The following NINJ2 variants were observed in gnomAD, a reference collection of about 807,000 sequenced individuals.
NINJ2 encodes the protein ninjurin 2, also known as ninjurin-2.
Under a neutral mutation model 11.7 loss-of-function variants are expected in NINJ2, and 12 were observed. The observed-to-expected ratio is 1.02, with a 90% CI of 0.66 to 1.66. The LOEUF (loss-of-function observed/expected upper bound fraction) is 1.66. Among genes scored for constraint, NINJ2 ranks in the 40% most tolerant of loss-of-function variants. The probability of loss-of-function intolerance (pLI) is 0.00; values close to 1 mark genes in which losing one functional copy is unlikely to be tolerated. For synonymous variants in NINJ2, 93 were observed against 76.8 expected, an observed-to-expected ratio of 1.21 and a Z score of -1.10; for missense variants, 187 against 181.8, an observed-to-expected ratio of 1.03 and a Z score of -0.16.
intron 1 of NINJ2, among the ~76,000 whole-genome samples, chr12:617,733 C>T (rs1483733040): frequency 6.6e-6 from 1 of 152,212 alleles, no homozygotes; most frequent in Admixed American, 6.5e-5. Context: ...CTGGTTTCCT[C>T]ATCTCAGCTC....
At chr12:650,294 A>G (rs1025847652) in intron 1 of NINJ2, among the ~76,000 whole-genome samples, 4 of 151,550 alleles carry the variant, frequency 2.6e-5, no homozygotes, top group African/African-American at 9.7e-5. Context: ...TATGTTTCCC[A>G]GGCTGGCCTC....
chr12:599,898 C>T lies in NINJ2; in HGVS notation c.34-33720G>A, dbSNP rs139218987. 4.5e-3 allele frequency among the ~76,000 whole-genome samples: 688 copies of T among 152,250 alleles called. 10 individuals carry two copies. Among genetic ancestry groups the T allele is most frequent in the African/African-American group, 0.015 (640 of 41,534 alleles). On this transcript the variant is annotated intron_variant, in intron 1 of 3. Coordinates refer to ENST00000305108, the MANE Select transcript of NINJ2 (RefSeq NM_016533.6). ...TGCCCGTCTCGGGCACAGGAGTAGC[C>T]GTGCACTCAGGATACCTCTGATGCC...
chr12:601,002 G>A (rs1947859362), intron 1 of NINJ2, among the ~76,000 whole-genome samples: 1 of 152,118 alleles, frequency 6.6e-6, no homozygotes, highest in Non-Finnish European at 1.5e-5. Context: ...AATTCCTTTG[G>A]TAGGGAGATC....
intron 1 of NINJ2, among the ~76,000 whole-genome samples, chr12:609,901 C>T (rs1223829420): frequency 1.3e-5 from 2 of 150,338 alleles, no homozygotes; most frequent in African/African-American, 4.9e-5. Flanking sequence ...ATGATGGCAC[C>T]ACTGCACTCC....
At position 571,232 on chromosome 12, in the gene NINJ2, G is replaced by T. The variant is rs373926023; in HGVS notation, c.34-5054C>A. Among the ~76,000 whole-genome samples the T allele has an allele frequency of 1.5e-3, 231 of 152,300 alleles. 4 individuals carry two copies. The highest frequency in any genetic ancestry group is 5.4e-3 in the African/African-American group (226 of 41,504). On this transcript the variant is annotated intron_variant, in intron 1 of 3. Coordinates refer to ENST00000305108, the MANE Select transcript of NINJ2 (RefSeq NM_016533.6). Reference sequence around the variant, plus strand: ...CTGGACAGACGGGGAGTTTGGGGCGGCATGAAGCTGGAGCGCGGCCAGTGC... The same window carrying T: ...CTGGACAGACGGGGAGTTTGGGGCGTCATGAAGCTGGAGCGCGGCCAGTGC...
intron 1 of NINJ2, among the ~76,000 whole-genome samples, chr12:649,505 CAG>C (rs551099083): frequency 1.4e-3 from 171 of 123,648 alleles, no homozygotes; most frequent in South Asian, 4.8e-3. Context: ...TAATCAGAAA[CAG>C]TGAATATGTG....
At chr12:607,276 C>G (rs1947952981) in intron 1 of NINJ2, among the ~76,000 whole-genome samples, 2 of 152,056 alleles carry the variant, frequency 1.3e-5, no homozygotes, top group Non-Finnish European at 2.9e-5. Context: ...GATATATCCA[C>G]CTTGCAAGGT....
chr12:646,876 A>G (rs1014104338), intron 1 of NINJ2, among the ~76,000 whole-genome samples: 1 of 152,198 alleles, frequency 6.6e-6, no homozygotes, highest in Admixed American at 6.5e-5. Flanking sequence ...GGTTGTGGAA[A>G]CAGGGAGTTC....
intron 1 of NINJ2, among the ~76,000 whole-genome samples, chr12:609,944 TAAA>T (rs60084425): frequency 0.21 from 26,969 of 126,544 alleles, 2,935 homozygotes; most frequent in East Asian, 0.32. Flanking sequence ...GACCCTGTCT[TAAA>T]AAAAAAAAAA....
At chr12:661,937 A>G (rs11064129) in intron 1 of NINJ2, among the ~76,000 whole-genome samples, 33,848 of 152,216 alleles carry the variant, frequency 0.22, 3,870 homozygotes, top group South Asian at 0.27. Flanking sequence ...ATAAAACAGG[A>G]GAGGCCCTGC....
intron 1 of NINJ2, among the ~76,000 whole-genome samples, chr12:593,043 A>C (rs1057387316): frequency 1.3e-5 from 2 of 152,152 alleles, no homozygotes; most frequent in Non-Finnish European, 2.9e-5. Flanking sequence ...AAAACAGGGA[A>C]AAAAAATGAA....
intron 1 of NINJ2, among the ~76,000 whole-genome samples, chr12:598,303 C>T (rs993516415): frequency 6.6e-6 from 1 of 152,218 alleles, no homozygotes; most frequent in Non-Finnish European, 1.5e-5. Flanking sequence ...TGCGGATCTA[C>T]GTTCAGCAGG....
At chr12:622,560 T>C (rs1015764227) in intron 1 of NINJ2, among the ~76,000 whole-genome samples, 15 of 152,088 alleles carry the variant, frequency 9.9e-5, no homozygotes, top group African/African-American at 3.6e-4. Context: ...CTTCCTAGTA[T>C]TTGTCATTGT....
intron 1 of NINJ2, among the ~76,000 whole-genome samples, chr12:654,468 C>T (rs911598553): frequency 6.6e-6 from 1 of 150,902 alleles, no homozygotes; most frequent in Non-Finnish European, 1.5e-5. Context: ...TTGCGGTGAG[C>T]CGAGATCATG....
At chr12:658,516 T>C (rs1937906043) in intron 1 of NINJ2, among the ~76,000 whole-genome samples, 1 of 152,180 alleles carries the variant, frequency 6.6e-6, no homozygotes, top group African/African-American at 2.4e-5. Flanking sequence ...GGCTACATAT[T>C]GTATGATTCC....
At chr12:643,458 A>G in intron 1 of NINJ2, 2 of 988,214 alleles carry the variant, frequency 2.0e-6, no homozygotes, top group Non-Finnish European at 2.4e-6. Context: ...TAGGGAGGGG[A>G]GAAGGGAAGA....
chr12:648,162 C>T (rs1206735205), intron 1 of NINJ2, among the ~76,000 whole-genome samples: 1 of 152,180 alleles, frequency 6.6e-6, no homozygotes, highest in African/African-American at 2.4e-5. Context: ...CAACCTCCGC[C>T]TCCTGAGTTC....
intron 1 of NINJ2, chr12:642,654 C>T (rs1393023879): frequency 6.6e-6 from 1 of 152,482 alleles, no homozygotes; most frequent in Non-Finnish European, 1.5e-5. Context: ...GCGGCGCTGC[C>T]CACGGAGGGG....
In NINJ2 at chr12:634,265, C is replaced by CTTTTTTTTTTTTTTTTTTTTTTTTTTT. The variant is rs67797144; in HGVS notation, c.33+29062_33+29063insAAAAAAAAAAAAAAAAAAAAAAAAAAA. On this transcript the variant is annotated intron_variant, in intron 1 of 3. Transcript: ENST00000305108. ...AAATAAATGTTGATTAGTTGCAGTT[C>CTTTTTTTTTTTTTTTTTTTTTTTTTTT]TTTTTTTTTTTTTTTTTTTTTTTTT... Among the ~76,000 whole-genome samples the CTTTTTTTTTTTTTTTTTTTTTTTTTTT allele has an allele frequency of 2.5e-4, 15 of 59,526 alleles. 4 individuals carry two copies. In the South Asian group the frequency reaches 3.2e-3, roughly 13 times the overall value. 39.1% of individuals were successfully genotyped at this position (59,526 alleles called of 152,430 possible).
Sources: gnomAD v4.1 joint callset for allele counts (sites outside exome capture counted in the v4.1 genomes callset) on GRCh38, gnomAD v4.1.1 for gene constraint, MANE v1.5 for transcripts, NCBI Gene and HGNC (gene_info 2026-07-23, HGNC 2026-07-21) for gene names.